The following SCARA3 variants were observed in gnomAD, a reference collection of about 807,000 sequenced individuals.
SCARA3 encodes scavenger receptor class A member 3.
Under a neutral mutation model 47.0 loss-of-function variants are expected in SCARA3, and 39 were observed. That is an observed-to-expected ratio of 0.83 (90% confidence interval 0.64 to 1.08). The LOEUF is 1.08. SCARA3 is among the 50% of genes least tolerant of loss of function. SCARA3 has a pLI of 0.00. For missense variants in SCARA3, 724 were observed against 792.3 expected, an observed-to-expected ratio of 0.91 and a Z score of 1.04; for synonymous variants, 356 against 334.1, an observed-to-expected ratio of 1.07 and a Z score of -0.71.
At chr8:27,725,960 C>T in the SCARA3 span, among the ~76,000 whole-genome samples, 1 of 152,176 alleles carries the variant, frequency 6.6e-6, no homozygotes, top group Non-Finnish European at 1.5e-5. Flanking sequence ...CTCCAGAGGA[C>T]AGAGCAGCAG....
At chr8:27,653,570 C>CGTGT (rs61545866) in intron 3 of SCARA3, among the ~76,000 whole-genome samples, 1,712 of 145,186 alleles carry the variant, frequency 0.012, 32 homozygotes, top group African/African-American at 0.04. Context: ...ATTTGTAAAG[C>CGTGT]GTGTGTGTGT....
At chr8:27,674,087 C>T (rs1336787789), downstream of SCARA3, among the ~76,000 whole-genome samples, 3 of 152,154 alleles carry the variant, frequency 2.0e-5, no homozygotes, top group Non-Finnish European at 2.9e-5. Context: ...GAAGTGTTCC[C>T]GCCCCAATCC....
In SCARA3 at chr8:27,671,639, C is replaced by T. The variant is rs892922314; in HGVS notation, c.*288C>T. The stretch of plus-strand genomic sequence containing the variant: ...ATGCACACATACACAGGCATACATG[C>T]ATGCACACACACATGCACGCACACA... On this transcript the variant is annotated 3_prime_UTR_variant, in exon 6 of 6. Coordinates refer to ENST00000301904, the MANE Select transcript of SCARA3 (RefSeq NM_016240.3). 23 of 1,140,486 alleles carry T rather than the reference C, an allele frequency of 2.0e-5. No homozygotes were observed. The highest frequency in any genetic ancestry group is 2.4e-5 in the Non-Finnish European group (22 of 923,248). The allele number at this position is 1,140,486 out of a possible 1,614,324, so 70.6% of individuals were successfully genotyped here.
intron 1 of SCARA3, among the ~76,000 whole-genome samples, chr8:27,641,694 T>C (rs1423006069): frequency 3.3e-5 from 5 of 151,996 alleles, no homozygotes; most frequent in African/African-American, 7.3e-5. Flanking sequence ...GCTGAGTGCA[T>C]TGGGGATGAA....
chr8:27,692,006 G>T, the SCARA3 span, among the ~76,000 whole-genome samples: 1 of 152,118 alleles, frequency 6.6e-6, no homozygotes, highest in Admixed American at 6.5e-5. Context: ...TCAGCCAAGG[G>T]CATTCCAAAA....
At chr8:27,644,327 A>T (rs968532568) in intron 1 of SCARA3, among the ~76,000 whole-genome samples, 1 of 152,136 alleles carries the variant, frequency 6.6e-6, no homozygotes, top group Non-Finnish European at 1.5e-5. Flanking sequence ...TGTGCCTTTC[A>T]CTAGGAAATC....
At chr8:27,661,785 T>G (rs1467624722) in intron 5 of SCARA3, among the ~76,000 whole-genome samples, 1 of 152,202 alleles carries the variant, frequency 6.6e-6, no homozygotes, top group African/African-American at 2.4e-5. Context: ...CCTTCCCTCC[T>G]GAAGGGTCTG....
the SCARA3 span, among the ~76,000 whole-genome samples, chr8:27,705,703 T>A: frequency 6.6e-6 from 1 of 152,262 alleles, no homozygotes; most frequent in Non-Finnish European, 1.5e-5. Context: ...CTATTGTCCC[T>A]ATTGTCCCTG....
chr8:27,702,173 C>T, the SCARA3 span: 19 of 152,200 alleles, frequency 1.2e-4, no homozygotes, highest in Admixed American at 1.1e-3. Flanking sequence ...GCGCCAGCCT[C>T]TCTCCCATGT....
chr8:27,697,570 T>C, the SCARA3 span: 3 of 152,222 alleles, frequency 2.0e-5, no homozygotes, highest in Non-Finnish European at 4.4e-5. Flanking sequence ...CCTTGGGCAG[T>C]GCTTCCAGAA....
chr8:27,678,839 G>T (rs886901053), downstream of SCARA3, among the ~76,000 whole-genome samples: 3 of 152,164 alleles, frequency 2.0e-5, no homozygotes, highest in Non-Finnish European at 4.4e-5. Flanking sequence ...ATTTAAGATG[G>T]ATAATATAAG....
chr8:27,725,452 G>A, the SCARA3 span, among the ~76,000 whole-genome samples: 1 of 148,204 alleles, frequency 6.7e-6, no homozygotes, highest in Non-Finnish European at 1.5e-5. Flanking sequence ...TTGTGTGTTT[G>A]TTACATTATA....
At chr8:27,693,760 A>G in the SCARA3 span, among the ~76,000 whole-genome samples, 4 of 152,314 alleles carry the variant, frequency 2.6e-5, no homozygotes, top group South Asian at 6.2e-4. Context: ...CTTGATCTGC[A>G]TGATAAAAAC....
Position 27,671,027 on chromosome 8 carries a change from G to A in SCARA3, c.1497G>A (p.Gly499=), listed in dbSNP as rs1445987284. 1 of 1,611,918 alleles carries A rather than the reference G, an allele frequency of 6.2e-7. No homozygotes were observed. Residue 499 remains glycine (G), a synonymous_variant, in exon 6 of 6, where the codon GGG becomes GGA. Transcript: ENST00000301904. ...LGPLGPQGPQ[G]QPGEAGPVGE... is the part of the protein sequence containing the mutation. ...CCCTGGGACCCCAGGGTCCTCAGGG[G>A]CAACCTGGAGAGGCCGGGCCTGTGG...
At chr8:27,673,309 G>A (rs1802210236), downstream of SCARA3, among the ~76,000 whole-genome samples, 1 of 152,262 alleles carries the variant, frequency 6.6e-6, no homozygotes, top group Non-Finnish European at 1.5e-5. Flanking sequence ...AACAGGGCAG[G>A]CCTGGACATG....
chr8:27,711,172 G>A, the SCARA3 span, among the ~76,000 whole-genome samples: 1 of 151,944 alleles, frequency 6.6e-6, no homozygotes, highest in Non-Finnish European at 1.5e-5. Flanking sequence ...TCTGCCCACC[G>A]CAGCCTCCCA....
intron 5 of SCARA3, among the ~76,000 whole-genome samples, chr8:27,666,585 T>C (rs1459858632): frequency 1.3e-5 from 2 of 152,238 alleles, no homozygotes; most frequent in Non-Finnish European, 2.9e-5. Context: ...GCTTTGCTAA[T>C]ATGACAGCTG....
chr8:27,731,472 ACC>A, the SCARA3 span, among the ~76,000 whole-genome samples: 1 of 151,266 alleles, frequency 6.6e-6, no homozygotes, highest in East Asian at 2.0e-4. Flanking sequence ...ACATGGCAAA[ACC>A]CCGTCTCTAC....
chr8:27,659,306 A>C lies in SCARA3; in HGVS notation c.1136A>C (p.Asp379Ala), dbSNP rs773543536. ...GTGCACAGCATGCTCAAGTACCTGG[A>C]TGACGTGCGGCTCTCCTGCACGCTG... Reference protein sequence around the residue: ...NHVHSMLKYLDDVRLSCTLGF... With the variant: ...NHVHSMLKYLADVRLSCTLGF... The change falls in exon 5 of 6, where the codon GAT (aspartate) becomes GCT (alanine). Residue 379 changes from aspartate to alanine, a missense_variant. Physicochemically the swap from Asp to Ala is moderately radical, Grantham distance 126. Transcript: ENST00000301904. The C allele has an allele frequency of 8.1e-6, 13 of 1,613,810 alleles. No homozygotes were observed. The highest frequency in any genetic ancestry group is 9.3e-6 in the Non-Finnish European group (11 of 1,180,006).
Sources: allele counts gnomAD v4.1 joint callset (sites outside exome capture counted in the v4.1 genomes callset), GRCh38; gene constraint gnomAD v4.1.1; transcripts MANE v1.5; gene names NCBI Gene and HGNC (gene_info 2026-07-23, HGNC 2026-07-21).